Variants in ADGRL3 observed in about 807,000 individuals in gnomAD.
The protein encoded by ADGRL3 is adhesion G protein-coupled receptor L3, also known as calcium-independent alpha-latrotoxin receptor 3.
Under a neutral mutation model 153.5 loss-of-function variants are expected in ADGRL3, and 62 were observed. The observed-to-expected ratio is 0.40, with a 90% CI of 0.33 to 0.50. ADGRL3 has a LOEUF of 0.50. Ranked by LOEUF, ADGRL3 falls within the 20% of genes least tolerant of loss-of-function variation. The pLI, the probability that ADGRL3 is intolerant of heterozygous loss-of-function variation, is 0.47. For synonymous variants in ADGRL3, 710 were observed against 672.5 expected (o/e 1.06, Z -0.86); for missense variants, 1,641 against 1,859.4 (o/e 0.88, Z 2.16).
At chr4:61,325,881 A>G (rs2150863456) in intron 1 of ADGRL3, among the ~76,000 whole-genome samples, 1 of 152,294 alleles carries the variant, frequency 6.6e-6, no homozygotes, top group Admixed American at 6.5e-5. Context: ...AACATATTGA[A>G]GAGAATTGTG....
chr4:61,307,397 G>A (rs2094830097), intron 1 of ADGRL3, among the ~76,000 whole-genome samples: 1 of 152,108 alleles, frequency 6.6e-6, no homozygotes. Context: ...CAAAATAAAT[G>A]TCAGTGTTAG....
intron 5 of ADGRL3, among the ~76,000 whole-genome samples, chr4:61,600,763 G>T (rs1579782268): frequency 6.6e-6 from 1 of 152,048 alleles, no homozygotes; most frequent in South Asian, 2.1e-4. Flanking sequence ...AAATAGAAGG[G>T]TTTAAAGAAC....
intron 1 of ADGRL3, among the ~76,000 whole-genome samples, chr4:61,317,280 A>C (rs2095244554): frequency 1.3e-5 from 2 of 152,168 alleles, no homozygotes; most frequent in African/African-American, 4.8e-5. Flanking sequence ...TATCTTAGCT[A>C]TTTGTACTGC....
At chr4:61,742,267 CTCT>C (rs913881499) in intron 8 of ADGRL3, among the ~76,000 whole-genome samples, 1 of 151,702 alleles carries the variant, frequency 6.6e-6, no homozygotes, top group Non-Finnish European at 1.5e-5. Flanking sequence ...ATTATTCTTA[CTCT>C]TCTTCTTCTT....
intron 1 of ADGRL3, among the ~76,000 whole-genome samples, chr4:61,203,187 C>G (rs1264568001): frequency 1.3e-5 from 2 of 152,200 alleles, no homozygotes; most frequent in African/African-American, 2.4e-5. Flanking sequence ...CCCTGGAATT[C>G]TCTGGCCACT....
At chr4:61,926,276 A>T (rs1291743150) in intron 13 of ADGRL3, among the ~76,000 whole-genome samples, 3 of 152,152 alleles carry the variant, frequency 2.0e-5, no homozygotes, top group African/African-American at 7.2e-5. Context: ...ATTGCATTCA[A>T]AGTAGGCAAC....
intron 21 of ADGRL3, among the ~76,000 whole-genome samples, chr4:62,024,951 T>G (rs1214147022): frequency 6.7e-6 from 1 of 149,408 alleles, no homozygotes; most frequent in Admixed American, 6.7e-5. Context: ...AAAAAAAAAT[T>G]CTGAATGCCT....
intron 2 of ADGRL3, among the ~76,000 whole-genome samples, chr4:61,404,541 C>T (rs1398610568): frequency 6.6e-6 from 1 of 152,020 alleles, no homozygotes; most frequent in Admixed American, 6.6e-5. Context: ...TGTCATTGAG[C>T]ATTTCTTTAT....
intron 8 of ADGRL3, among the ~76,000 whole-genome samples, chr4:61,761,312 A>G (rs1033972612): frequency 6.6e-6 from 1 of 152,212 alleles, no homozygotes; most frequent in African/African-American, 2.4e-5. Flanking sequence ...TTTGTTTTAA[A>G]TTATAAACTA....
chr4:61,268,336 C>CT (rs2092971286), intron 1 of ADGRL3, among the ~76,000 whole-genome samples: 2 of 151,564 alleles, frequency 1.3e-5, no homozygotes, highest in Admixed American at 1.3e-4. Context: ...CTTTTTTCCT[C>CT]TGATTTTATT....
chr4:61,789,665 CTGAT>C (rs1172588732), intron 8 of ADGRL3, among the ~76,000 whole-genome samples: 3 of 152,038 alleles, frequency 2.0e-5, no homozygotes, highest in African/African-American at 4.8e-5. Context: ...GTAAAATTGA[CTGAT>C]AGTTGATTTT....
intron 2 of ADGRL3, among the ~76,000 whole-genome samples, chr4:61,452,643 A>G (rs1023229232): frequency 4.5e-4 from 69 of 152,324 alleles, no homozygotes; most frequent in African/African-American, 1.6e-3. Context: ...GGCATAAAAT[A>G]TATAAGTCGA....
At chr4:61,347,995 T>C (rs1246152023) in intron 1 of ADGRL3, among the ~76,000 whole-genome samples, 1 of 152,102 alleles carries the variant, frequency 6.6e-6, no homozygotes, top group East Asian at 1.9e-4. Flanking sequence ...TTGTTCATCA[T>C]TTATTAAAGG....
intron 1 of ADGRL3, among the ~76,000 whole-genome samples, chr4:61,349,987 G>A (rs549079725): frequency 6.6e-6 from 1 of 152,074 alleles, no homozygotes; most frequent in South Asian, 2.1e-4. Flanking sequence ...GAATAATCAC[G>A]CAGAACAAGA....
chr4:61,735,828 G>C (rs933206460), intron 8 of ADGRL3, among the ~76,000 whole-genome samples: 2 of 151,932 alleles, frequency 1.3e-5, no homozygotes, highest in African/African-American at 4.8e-5. Flanking sequence ...GTTCTGATTT[G>C]ATAAACTAAA....
At chr4:61,669,613 A>G (rs535400910) in intron 5 of ADGRL3, among the ~76,000 whole-genome samples, 2 of 152,280 alleles carry the variant, frequency 1.3e-5, no homozygotes, top group South Asian at 2.1e-4. Flanking sequence ...CCATCTTCTT[A>G]TATGAATCAT....
intron 2 of ADGRL3, among the ~76,000 whole-genome samples, chr4:61,447,569 C>T (rs2606712): frequency 0.93 from 141,834 of 152,272 alleles, 66,902 homozygotes; most frequent in East Asian, 1. Context: ...AACAGACTGA[C>T]AGTTTTATTT....
chr4:61,974,476 C>T (rs1323407569), intron 17 of ADGRL3, among the ~76,000 whole-genome samples: 4 of 151,812 alleles, frequency 2.6e-5, no homozygotes, highest in Admixed American at 6.6e-5. Flanking sequence ...TTTTATTAAA[C>T]GAAAATTGCT....
intron 5 of ADGRL3, among the ~76,000 whole-genome samples, chr4:61,658,080 T>C (rs1419672799): frequency 6.6e-6 from 1 of 152,142 alleles, no homozygotes; most frequent in Non-Finnish European, 1.5e-5. Context: ...ATGCTTCTTT[T>C]TGTATTCTTT....
Sources: allele counts gnomAD v4.1 joint callset (sites outside exome capture counted in the v4.1 genomes callset), GRCh38; gene constraint gnomAD v4.1.1; transcripts MANE v1.5; gene names NCBI Gene and HGNC (gene_info 2026-07-23, HGNC 2026-07-21).